Variants in SPEM2 observed in about 807,000 individuals in gnomAD.
SPEM2 encodes uncharacterized protein SPEM2.
SPEM2 carries 15 observed loss-of-function variants against 9.3 expected under a neutral mutation model. The ratio of observed to expected loss-of-function variants is 1.62; its 90% CI spans 1.08 to 2.50. The LOEUF is 2.50. Ranked by LOEUF, SPEM2 falls within the 30% of genes most tolerant of loss-of-function variation. The pLI is 0.00. For missense variants in SPEM2, 678 were observed against 690.0 expected, an observed-to-expected ratio of 0.98 and a Z score of 0.19; for synonymous variants, 268 against 272.4, an observed-to-expected ratio of 0.98 and a Z score of 0.16.
rs761895904 is a variant in SPEM2, at chr17:7,426,959, G to A, written c.968G>A (p.Arg323His). ...CGTCGTGGCACGGAGGGCTTTGAGC[G>A]CCCCCCTGCCTCGGTGTCCCGGAAC... ...QRRRGTEGFE[R>H]PPASVSRNAR... is the part of the protein sequence containing the mutation. The change falls in exon 3 of 3, where the codon CGC (arginine) becomes CAC (histidine). Residue 323 changes from arginine (R) to histidine (H), a missense_variant. Physicochemically the swap from Arg to His is conservative, Grantham distance 29. Coordinates refer to ENST00000333870, the MANE Select transcript of SPEM2 (RefSeq NM_175734.5). The surrounding 1 kb of genome is among the most constrained non-coding windows in gnomAD (Gnocchi z 5.3). 2.0e-5 allele frequency: 33 copies of A among 1,612,066 alleles called. No individual in the cohort carries two copies. The highest frequency in any genetic ancestry group is 4.0e-5 in the African/African-American group (3 of 74,914).
At position 7,426,530 on chromosome 17, in the gene SPEM2, A is replaced by T; in HGVS notation, c.539A>T (p.Asp180Val). ...LHRVPFFDQE[D>V]PDSYLEEEDN... ...CGAGTGCCTTTCTTTGATCAGGAGG[A>T]CCCGGATTCCTACCTGGAGGAGGAG... The change falls in exon 3 of 3, where the codon GAC (aspartate) becomes GTC (valine). Residue 180 changes from aspartate to valine, a missense_variant. Physicochemically the swap from Asp to Val is radical, Grantham distance 152. Coordinates refer to ENST00000333870, the MANE Select transcript of SPEM2 (RefSeq NM_175734.5). This position sits in a 1 kb window ranked among gnomAD's most constrained non-coding sequence, Gnocchi z 5.3. 1 of 1,614,070 alleles carries T rather than the reference A, an allele frequency of 6.2e-7. No homozygotes were observed. Among genetic ancestry groups the T allele is most frequent in the Admixed American group, 1.7e-5 (1 of 60,014 alleles).
Position 7,426,215 on chromosome 17 carries a change from C to T in SPEM2, c.224C>T (p.Pro75Leu). ...GAAATTCAGGCCAGTGAAAGTCCCCCAAGTGGTCCCCCAGACAAGGCTCAG... is the reference window on the plus strand; with the variant it reads ...GAAATTCAGGCCAGTGAAAGTCCCCTAAGTGGTCCCCCAGACAAGGCTCAG... ...KNEIQASESPPSGPPDKAQDV... is the reference protein window; with the variant it reads ...KNEIQASESPLSGPPDKAQDV... Residue 75 changes from proline to leucine, a missense_variant, in exon 3 of 3, where the codon CCA becomes CTA. Physicochemically the swap from Pro to Leu is moderately conservative, Grantham distance 98. Coordinates refer to ENST00000333870, the MANE Select transcript of SPEM2 (RefSeq NM_175734.5). This position sits in a 1 kb window ranked among gnomAD's most constrained non-coding sequence, Gnocchi z 5.3. 1.9e-6 allele frequency: 3 copies of T among 1,613,850 alleles called. No individual in the cohort carries two copies. The East Asian group carries it at 6.7e-5, about 36-fold the overall frequency.
At position 7,427,118 on chromosome 17, in the gene SPEM2, A is replaced by G. The variant is rs3892554; in HGVS notation, c.1127A>G (p.Gln376Arg). The change falls in exon 3 of 3, where the codon CAG becomes CGG. Residue 376 changes from glutamine to arginine, a missense_variant. Transcript: ENST00000333870. This position sits in a 1 kb window ranked among gnomAD's most constrained non-coding sequence, Gnocchi z 5.4. ...ACGGAACCCTTGGGCTACAGCTCCC[A>G]GGACCCCCGTGAGGTGCGGCGTCGG... ...PSTEPLGYSS[Q>R]DPREVRRRAA... 14,613 of 1,613,256 alleles carry G rather than the reference A, an allele frequency of 9.1e-3. 1,034 individuals are homozygous for G. The African/African-American group carries it at 0.16, about 18-fold the overall frequency.
Position 7,426,941 on chromosome 17 carries a change from G to C in SPEM2, c.950G>C (p.Gly317Ala). The C allele has an allele frequency of 6.2e-7, 1 of 1,612,800 alleles. No homozygotes were observed. The highest frequency in any genetic ancestry group is 1.1e-5 in the South Asian group (1 of 91,074). The change falls in exon 3 of 3, where the codon GGC becomes GCC. Residue 317 changes from glycine to alanine, a missense_variant. By Grantham distance (60) the Gly-to-Ala change is moderately conservative. Transcript: ENST00000333870. This position sits in a 1 kb window ranked among gnomAD's most constrained non-coding sequence, Gnocchi z 5.3. ...LYDSWDQRRR[G>A]TEGFERPPAS... ...GACTCCTGGGATCAGCGGCGTCGTG[G>C]CACGGAGGGCTTTGAGCGCCCCCCT...
Position 7,425,705 on chromosome 17 carries a change from G to A in SPEM2, c.17G>A (p.Trp6Ter), listed in dbSNP as rs1907559001. 1 of 1,614,054 alleles carries A rather than the reference G, an allele frequency of 6.2e-7. No homozygotes were observed. The highest frequency in any genetic ancestry group is 8.5e-7 in the Non-Finnish European group (1 of 1,179,938). MENQL[W>*]HNTVRCCNQY... ...CCCCCCTCCATGGAAAACCAGCTAT[G>A]GCATAACACCGTGAGATGTTGCAAT... Residue 6 changes from tryptophan (W) to a stop codon, truncating the protein, a stop_gained, in exon 1 of 3, where the codon TGG (tryptophan) becomes TAG (stop). Coordinates refer to ENST00000333870, the MANE Select transcript of SPEM2 (RefSeq NM_175734.5). LOFTEE classifies it high-confidence loss of function.
intron 1 of SPEM2, 22 bp from the exon 2 acceptor site, chr17:7,425,971 A>G: frequency 6.2e-7 from 1 of 1,613,832 alleles, no homozygotes; most frequent in Admixed American, 1.7e-5. Flanking sequence ...CCTGGCCTTC[A>G]CTCTCTTCCA....
Position 7,426,310 on chromosome 17 carries a change from T to G in SPEM2, c.319T>G (p.Phe107Val). 6.2e-7 allele frequency: 1 copy of G among 1,614,172 alleles called. No homozygotes were observed. Among genetic ancestry groups the G allele is most frequent in the Non-Finnish European group, 8.5e-7 (1 of 1,180,026 alleles). The change falls in exon 3 of 3, where the codon TTC (phenylalanine) becomes GTC (valine). Residue 107 changes from phenylalanine to valine, a missense_variant. Transcript: ENST00000333870. This position sits in a 1 kb window ranked among gnomAD's most constrained non-coding sequence, Gnocchi z 5.3. ...GTCCCGACCCACGCAGTACTCCTCT[T>G]TCTCCTGCCACCATTTCTCCAACCA... Reference protein sequence around the residue: ...KMSRPTQYSSFSCHHFSNHHS... With the variant: ...KMSRPTQYSSVSCHHFSNHHS...
rs767864045 is a variant in SPEM2 at position 7,425,681 on chromosome 17, C to T, written c.-8C>T. The T allele has an allele frequency of 6.2e-7, 1 of 1,613,052 alleles. No homozygotes were observed. Among genetic ancestry groups the T allele is most frequent in the East Asian group, 2.2e-5 (1 of 44,890 alleles). On this transcript the variant is annotated 5_prime_UTR_variant, in exon 1 of 3. Transcript: ENST00000333870. The stretch of plus-strand genomic sequence containing the variant: ...GGGTGGCCCAGGTGGCCCTAGGACC[C>T]CCCCTCCATGGAAAACCAGCTATGG...
rs374686635 is a variant in SPEM2, at chr17:7,425,807, G to T, written c.119G>T (p.Gly40Val). The change falls in exon 1 of 3, where the codon GGC becomes GTC. Residue 40 changes from glycine (G) to valine (V), a missense_variant. Physicochemically the swap from Gly to Val is moderately radical, Grantham distance 109 (BLOSUM62 -3). Coordinates refer to ENST00000333870, the MANE Select transcript of SPEM2 (RefSeq NM_175734.5). ...GGCCTCATCGTTCTTGTCAACATTG[G>T]CATCAACGTGGCAACTATGGTCAGT... ...LLGLIVLVNI[G>V]INVATMMWHG... 8.1e-6 allele frequency: 13 copies of T among 1,614,174 alleles called. No individual in the cohort carries two copies. Among genetic ancestry groups the T allele is most frequent in the Non-Finnish European group, 1.1e-5 (13 of 1,180,016 alleles).
intron 1 of SPEM2, 64 bp from the exon 2 acceptor site, chr17:7,425,929 G>A: frequency 6.2e-7 from 1 of 1,612,386 alleles, no homozygotes; most frequent in South Asian, 1.1e-5. Context: ...GATTGGGGCG[G>A]GGGCAGGGGT....
At position 7,426,452 on chromosome 17, in the gene SPEM2, G is replaced by A. The variant is rs1419683294; in HGVS notation, c.461G>A (p.Ser154Asn). The A allele has an allele frequency of 3.1e-6, 5 of 1,613,824 alleles. No homozygotes were observed. Residue 154 changes from serine (S) to asparagine (N), a missense_variant, in exon 3 of 3, where the codon AGC (serine) becomes AAC (asparagine). Transcript: ENST00000333870. The surrounding 1 kb of genome is among the most constrained non-coding windows in gnomAD (Gnocchi z 5.3). ...CAGAACTACAGACAAATCCCCCATA[G>A]CCACTCAGTCTTCCGTAACCCACAT... ...RPQNYRQIPH[S>N]HSVFRNPHRS...
rs1490348628 is a variant in SPEM2, at chr17:7,426,683, C to T, written c.692C>T (p.Pro231Leu). Residue 231 changes from proline to leucine, a missense_variant, in exon 3 of 3, where the codon CCA becomes CTA. Coordinates refer to ENST00000333870, the MANE Select transcript of SPEM2 (RefSeq NM_175734.5). The surrounding 1 kb of genome is among the most constrained non-coding windows in gnomAD (Gnocchi z 5.3). ...HQGGILASLP[P>L]PSLYLSPELR... ...GGTGGTATCCTGGCCAGTCTGCCAC[C>T]ACCCTCTCTCTACCTGTCACCTGAG... The T allele has an allele frequency of 6.2e-7, 1 of 1,613,916 alleles. No individual in the cohort carries two copies. The highest frequency in any genetic ancestry group is 1.3e-5 in the African/African-American group (1 of 74,938).
At position 7,426,377 on chromosome 17, in the gene SPEM2, G is replaced by GCCGCCA. The variant is rs756344162; in HGVS notation, c.392_397dup (p.His131_Arg132dup). 1 of 1,613,194 alleles carries GCCGCCA rather than the reference G, an allele frequency of 6.2e-7. No homozygotes were observed. The highest frequency in any genetic ancestry group is 8.5e-7 in the Non-Finnish European group (1 of 1,179,934). On this transcript the variant is annotated inframe_insertion, in exon 3 of 3. Transcript: ENST00000333870. The surrounding 1 kb of genome is among the most constrained non-coding windows in gnomAD (Gnocchi z 5.3). Reference sequence around the variant, plus strand: ...CTTCGCTGTGTTCGTCGCCGCCGCCGCCGCCACCGCCGTTGTCGCCGTCGC... The same window carrying GCCGCCA: ...CTTCGCTGTGTTCGTCGCCGCCGCCGCCGCCACCGCCACCGCCGTTGTCGCCGTCGC...
rs756014820 is a variant in SPEM2, at chr17:7,425,987, C to T, written c.139-6C>T. ...CTGGCCTTCACTCTCTTCCACCCTG[C>T]CCCAGATGTGGCATGGACTCCAGAA... On this transcript the variant is annotated splice_polypyrimidine_tract_variant and splice_region_variant and intron_variant, in intron 1 of 2. Transcript: ENST00000333870. The T allele has an allele frequency of 8.1e-6, 13 of 1,614,156 alleles. No individual in the cohort carries two copies. Among genetic ancestry groups the T allele is most frequent in the Non-Finnish European group, 1.1e-5 (13 of 1,180,006 alleles).
At position 7,425,755 on chromosome 17, in the gene SPEM2, G is replaced by C; in HGVS notation, c.67G>C (p.Ala23Pro). 1 of 1,614,232 alleles carries C rather than the reference G, an allele frequency of 6.2e-7. No individual in the cohort carries two copies. The highest frequency in any genetic ancestry group is 8.5e-7 in the Non-Finnish European group (1 of 1,180,032). ...CNQYQESPHD[A>P]EDILLLLLGL... ...TCAATACCAAGAAAGCCCCCACGAT[G>C]CCGAGGACATCTTACTCCTGCTGCT... The change falls in exon 1 of 3, where the codon GCC becomes CCC. Residue 23 changes from alanine (A) to proline (P), a missense_variant. Coordinates refer to ENST00000333870, the MANE Select transcript of SPEM2 (RefSeq NM_175734.5).
Position 7,426,427 on chromosome 17 carries a change from C to A in SPEM2, c.436C>A (p.Gln146Lys). The A allele has an allele frequency of 1.2e-6, 2 of 1,613,810 alleles. No homozygotes were observed. Among genetic ancestry groups the A allele is most frequent in the Non-Finnish European group, 1.7e-6 (2 of 1,180,032 alleles). Residue 146 changes from glutamine (Q) to lysine (K), a missense_variant, in exon 3 of 3, where the codon CAG (glutamine) becomes AAG (lysine). Coordinates refer to ENST00000333870, the MANE Select transcript of SPEM2 (RefSeq NM_175734.5). This position sits in a 1 kb window ranked among gnomAD's most constrained non-coding sequence, Gnocchi z 5.3. ...CTGCTGCAACCACCAGCAGCGGCCG[C>A]AGAACTACAGACAAATCCCCCATAG... Reference protein sequence around the residue: ...RRCCNHQQRPQNYRQIPHSHS... With the variant: ...RRCCNHQQRPKNYRQIPHSHS...
At position 7,427,260 on chromosome 17, in the gene SPEM2, C is replaced by T. The variant is rs1907664806; in HGVS notation, c.1269C>T (p.Val423=). 1.2e-6 allele frequency: 2 copies of T among 1,614,180 alleles called. No homozygotes were observed. Among genetic ancestry groups the T allele is most frequent in the African/African-American group, 1.3e-5 (1 of 75,042 alleles). The part of the protein sequence containing the change: ...QRTPAPSSVL[V]PHSSQPWPKV... Reference sequence around the variant, plus strand: ...CCCCAGCTCCAAGCTCAGTGCTGGTCCCCCATTCCTCCCAGCCCTGGCCCA... The same window carrying T: ...CCCCAGCTCCAAGCTCAGTGCTGGTTCCCCATTCCTCCCAGCCCTGGCCCA... Residue 423 remains valine (V), a synonymous_variant, in exon 3 of 3, where the codon GTC becomes GTT. Transcript: ENST00000333870. The surrounding 1 kb of genome is among the most constrained non-coding windows in gnomAD (Gnocchi z 5.4).
In SPEM2 at chr17:7,426,956, A is replaced by T; in HGVS notation, c.965A>T (p.Glu322Val). 1 of 1,612,148 alleles carries T rather than the reference A, an allele frequency of 6.2e-7. No homozygotes were observed. ...CGGCGTCGTGGCACGGAGGGCTTTGAGCGCCCCCCTGCCTCGGTGTCCCGG... is the reference window on the plus strand; with the variant it reads ...CGGCGTCGTGGCACGGAGGGCTTTGTGCGCCCCCCTGCCTCGGTGTCCCGG... ...DQRRRGTEGF[E>V]RPPASVSRNA... The change falls in exon 3 of 3, where the codon GAG becomes GTG. Residue 322 changes from glutamate (E) to valine (V), a missense_variant. Coordinates refer to ENST00000333870, the MANE Select transcript of SPEM2 (RefSeq NM_175734.5). The surrounding 1 kb of genome is among the most constrained non-coding windows in gnomAD (Gnocchi z 5.3).
chr17:7,425,645 G>A lies in SPEM2; in HGVS notation c.-44G>A. The stretch of plus-strand genomic sequence containing the variant: ...CAGTGTGGGTTGGGGCCGGGGGTGG[G>A]GGGCAGAGGGGGGTGGCCCAGGTGG... On this transcript the variant is annotated 5_prime_UTR_variant, in exon 1 of 3. Transcript: ENST00000333870. 1 of 1,594,508 alleles carries A rather than the reference G, an allele frequency of 6.3e-7. No individual in the cohort carries two copies. Among genetic ancestry groups the A allele is most frequent in the Non-Finnish European group, 8.6e-7 (1 of 1,169,332 alleles).
Sources: allele counts gnomAD v4.1 joint callset, GRCh38; gene constraint gnomAD v4.1.1; non-coding constraint Gnocchi (gnomAD v3.1); transcripts MANE v1.5; gene names NCBI Gene and HGNC (gene_info 2026-07-23, HGNC 2026-07-21).